The following MTA3 variants were observed in gnomAD, a reference collection of about 807,000 sequenced individuals.
MTA3 encodes the protein metastasis associated 1 family member 3, also known as metastasis-associated protein MTA3.
Under a neutral mutation model 83.5 loss-of-function variants are expected in MTA3, and 34 were observed. That is an observed-to-expected ratio of 0.41 (90% CI 0.31 to 0.54). The LOEUF (loss-of-function observed/expected upper bound fraction) is 0.54. Ranked by LOEUF, MTA3 falls within the 20% of genes least tolerant of loss-of-function variation. MTA3 has a pLI of 0.33. For missense variants in MTA3, 761 were observed against 726.4 expected (o/e 1.05, Z -0.55); for synonymous variants, 303 against 252.7 (o/e 1.20, Z -1.89).
chr2:42,515,799 C>T (rs1286060237), intron 2 of MTA3, among the ~76,000 whole-genome samples: 1 of 150,760 alleles, frequency 6.6e-6, no homozygotes, highest in Non-Finnish European at 1.5e-5. Flanking sequence ...CGTGCCCAGT[C>T]GTTTCAGTGT....
At chr2:42,566,640 G>A (rs1490072970), upstream of MTA3, among the ~76,000 whole-genome samples, 3 of 152,120 alleles carry the variant, frequency 2.0e-5, no homozygotes, top group Non-Finnish European at 4.4e-5. Context: ...CATTTATTGT[G>A]GTTAGCACAG....
At chr2:42,644,772 T>C (rs1029086899) in intron 6 of MTA3, among the ~76,000 whole-genome samples, 3 of 152,164 alleles carry the variant, frequency 2.0e-5, no homozygotes, top group Non-Finnish European at 2.9e-5. Flanking sequence ...AGGTAACTAT[T>C]GTAATTGTTT....
chr2:42,676,121 T>C (rs1176264322), intron 8 of MTA3, among the ~76,000 whole-genome samples: 2 of 152,260 alleles, frequency 1.3e-5, no homozygotes, highest in Non-Finnish European at 2.9e-5. Context: ...CAATGTATTC[T>C]TTCTCATTTG....
At chr2:42,724,361 CGTT>C (rs1195856452) in intron 16 of MTA3, among the ~76,000 whole-genome samples, 2 of 146,016 alleles carry the variant, frequency 1.4e-5, no homozygotes, top group Non-Finnish European at 3.0e-5. Flanking sequence ...AAAAGACTGT[CGTT>C]GTGGGCCAGG....
At chr2:42,697,517 G>A (rs1693495731) in intron 10 of MTA3, among the ~76,000 whole-genome samples, 1 of 152,160 alleles carries the variant, frequency 6.6e-6, no homozygotes, top group African/African-American at 2.4e-5. Context: ...TAGAGGAATG[G>A]AAAATGGAGT....
intron 4 of MTA3, among the ~76,000 whole-genome samples, chr2:42,631,469 T>A (rs1686665669): frequency 6.6e-6 from 1 of 152,186 alleles, no homozygotes; most frequent in Non-Finnish European, 1.5e-5. Context: ...GCAAAGTATG[T>A]CCTATGTATT....
rs1679422169 is a variant in MTA3 at position 42,579,818 on chromosome 2, A to G, written c.190+618A>G. Among the ~76,000 whole-genome samples the G allele has an allele frequency of 2.0e-5, 3 of 151,900 alleles. No individual in the cohort carries two copies. The South Asian group carries it at 6.2e-4, about 32-fold the overall frequency. On this transcript the variant is annotated intron_variant, in intron 3 of 16. Transcript: ENST00000405094. ...TCCCACCTTGGCCTCTCAAAGAGCT[A>G]GGATTACATGCATGAGCTACTGGGC... is the stretch of plus-strand genomic sequence containing the variant.
At chr2:42,545,254 T>C (rs1168088667) in intron 2 of MTA3, among the ~76,000 whole-genome samples, 3 of 152,320 alleles carry the variant, frequency 2.0e-5, no homozygotes, top group Non-Finnish European at 4.4e-5. Context: ...GGCACACGCC[T>C]GTACTCGCAG....
At chr2:42,629,122 C>T (rs566111140) in intron 4 of MTA3, among the ~76,000 whole-genome samples, 1 of 152,176 alleles carries the variant, frequency 6.6e-6, no homozygotes, top group Non-Finnish European at 1.5e-5. Flanking sequence ...CTCTGTGGCC[C>T]ACGCTGGAGT....
At chr2:42,591,554 A>G (rs1221694511) in intron 3 of MTA3, among the ~76,000 whole-genome samples, 2 of 152,312 alleles carry the variant, frequency 1.3e-5, no homozygotes, top group Admixed American at 6.5e-5. Flanking sequence ...TGTAATAACA[A>G]CTTAAAACAC....
At chr2:42,499,418 G>A (rs533669678) in intron 2 of MTA3, among the ~76,000 whole-genome samples, 41 of 150,622 alleles carry the variant, frequency 2.7e-4, no homozygotes, top group African/African-American at 7.3e-4. Flanking sequence ...CACCCGCCTC[G>A]GCCTCCCAAA....
intron 2 of MTA3, among the ~76,000 whole-genome samples, chr2:42,528,437 C>T (rs1302806421): frequency 6.6e-6 from 1 of 150,882 alleles, no homozygotes; most frequent in South Asian, 2.1e-4. Flanking sequence ...CCAGGTTGGT[C>T]TCGAACCCCT....
intron 2 of MTA3, among the ~76,000 whole-genome samples, chr2:42,577,138 A>G (rs1381648747): frequency 8.2e-5 from 11 of 134,684 alleles, no homozygotes; most frequent in Non-Finnish European, 1.6e-4. Context: ...ATATATAAAA[A>G]TGAACTCTTA....
intron 4 of MTA3, among the ~76,000 whole-genome samples, chr2:42,612,689 C>T (rs1395670210): frequency 6.6e-6 from 1 of 152,030 alleles, no homozygotes; most frequent in Non-Finnish European, 1.5e-5. Flanking sequence ...GGTGAAACCT[C>T]CTCTCTACTA....
chr2:42,535,751 G>C (rs910807393), intron 2 of MTA3, among the ~76,000 whole-genome samples: 1 of 151,984 alleles, frequency 6.6e-6, no homozygotes, highest in African/African-American at 2.4e-5. Flanking sequence ...TAACCCTTGG[G>C]TAAGTGTTGA....
intron 16 of MTA3, among the ~76,000 whole-genome samples, chr2:42,729,101 T>TTTTTG (rs1573783986): frequency 8.0e-6 from 1 of 124,578 alleles, no homozygotes; most frequent in Admixed American, 8.1e-5. Context: ...TTTTTTTTTT[T>TTTTTG]TTTTTTTTTT....
intron 3 of MTA3, among the ~76,000 whole-genome samples, chr2:42,583,492 C>G (rs1254003497): frequency 6.6e-6 from 1 of 152,110 alleles, no homozygotes; most frequent in Non-Finnish European, 1.5e-5. Flanking sequence ...CTTAATTTTC[C>G]TGAACTTTAG....
chr2:42,507,579 AC>A (rs1185537643), intron 2 of MTA3, among the ~76,000 whole-genome samples: 3 of 151,736 alleles, frequency 2.0e-5, no homozygotes, highest in African/African-American at 7.3e-5. Context: ...GTTATTATAA[AC>A]CTTTCATCTT....
intron 14 of MTA3, chr2:42,709,337 C>G (rs1481283547): frequency 4.6e-6 from 6 of 1,307,916 alleles, no homozygotes; most frequent in East Asian, 3.3e-5. Flanking sequence ...TAGTGCTTAG[C>G]AAAAGATTGG....
Sources: allele counts gnomAD v4.1 joint callset (sites outside exome capture counted in the v4.1 genomes callset), GRCh38; gene constraint gnomAD v4.1.1; transcripts MANE v1.5; gene names NCBI Gene and HGNC (gene_info 2026-07-23, HGNC 2026-07-21).